The following STARD6 variants were observed in gnomAD, a reference collection of about 807,000 sequenced individuals.
STARD6 encodes StAR related lipid transfer domain containing 6.
Under a neutral mutation model 22.3 loss-of-function variants are expected in STARD6, and 21 were observed. The ratio of observed to expected loss-of-function variants is 0.94; its 90% CI spans 0.67 to 1.35. STARD6 has a LOEUF of 1.35. Ranked by LOEUF, STARD6 falls within the 40% of genes most tolerant of loss-of-function variation. The pLI is 0.00. For missense variants in STARD6, 269 were observed against 266.9 expected (o/e 1.01, Z -0.05); for synonymous variants, 80 against 88.1 (o/e 0.91, Z 0.52).
intron 4 of STARD6, among the ~76,000 whole-genome samples, chr18:54,338,527 T>G (rs956800063): frequency 7.2e-5 from 11 of 151,736 alleles, no homozygotes; most frequent in African/African-American, 2.7e-4. Flanking sequence ...TCCAGCCAAA[T>G]CACCAAACAG....
In STARD6 at chr18:54,343,259, G is replaced by T. The variant is rs893876654; in HGVS notation, c.141-6008C>A. ...CGTCTGAGAAGTGAGGAGCCCCTCCGCCCGGCAGCTGCCCCGTCTGAGAAG... is the reference window on the plus strand; with the variant it reads ...CGTCTGAGAAGTGAGGAGCCCCTCCTCCCGGCAGCTGCCCCGTCTGAGAAG... On this transcript the variant is annotated intron_variant, in intron 4 of 7. Transcript: ENST00000307844. 6.3e-5 allele frequency among the ~76,000 whole-genome samples: 5 copies of T among 79,202 alleles called. No homozygotes were observed. The South Asian group carries it at 2.9e-3, about 46-fold the overall frequency. The allele number at this position is 79,202 out of a possible 152,430, so 52.0% of individuals were successfully genotyped here.
intron 6 of STARD6, among the ~76,000 whole-genome samples, chr18:54,330,181 C>G (rs1000086588): frequency 1.1e-4 from 16 of 151,954 alleles, no homozygotes; most frequent in Non-Finnish European, 2.1e-4. Context: ...ATGATTTTAA[C>G]ATAAAGCAAA....
intron 4 of STARD6, among the ~76,000 whole-genome samples, chr18:54,345,065 A>C (rs1004575394): frequency 1.3e-5 from 2 of 152,198 alleles, no homozygotes; most frequent in African/African-American, 4.8e-5. Context: ...AGGTTAGAAA[A>C]AGAAATAAAA....
chr18:54,349,279 A>G (rs1403065587), intron 4 of STARD6, among the ~76,000 whole-genome samples: 1 of 152,142 alleles, frequency 6.6e-6, no homozygotes, highest in Non-Finnish European at 1.5e-5. Context: ...TGAAACTGAC[A>G]TCTTGAACAT....
At chr18:54,327,440 G>A (rs1269289700) in intron 7 of STARD6, among the ~76,000 whole-genome samples, 1 of 152,022 alleles carries the variant, frequency 6.6e-6, no homozygotes, top group East Asian at 1.9e-4. Context: ...TTATATGAGG[G>A]AAAAATAAAA....
At chr18:54,337,909 CAA>C (rs1455244577) in intron 4 of STARD6, among the ~76,000 whole-genome samples, 3 of 152,124 alleles carry the variant, frequency 2.0e-5, no homozygotes, top group African/African-American at 7.2e-5. Context: ...AACAAAGAAA[CAA>C]AGACGACCAG....
intron 4 of STARD6, among the ~76,000 whole-genome samples, chr18:54,343,518 G>T (rs2089002168): frequency 1.1e-5 from 1 of 90,076 alleles, no homozygotes; most frequent in African/African-American, 4.9e-5. Flanking sequence ...CCTCTGCCCG[G>T]CCAGCCGCCC....
chr18:54,331,878 TA>T lies in STARD6; in HGVS notation c.268-20del. 2 of 1,512,092 alleles carry T rather than the reference TA, an allele frequency of 1.3e-6. No individual in the cohort carries two copies. Among genetic ancestry groups the T allele is most frequent in the Non-Finnish European group, 9.1e-7 (1 of 1,093,312 alleles). 93.7% of individuals were successfully genotyped at this position (1,512,092 alleles called of 1,614,324 possible). A position where few individuals can be genotyped will look rare whatever the true frequency, so the allele number is the denominator to read the frequency against. ...ATGTGTCCTGCAACAAATCAAACCG[TA>T]AAGATAACAAACGTTACTTAATATC... On this transcript the variant is annotated intron_variant, in intron 5 of 7. Transcript: ENST00000307844.
rs1341870485 is a variant in STARD6 at position 54,324,735 on chromosome 18, C to G, written c.620G>C (p.Arg207Thr). ...ATGAAATCCACGTCTTGATGGAGTT[C>G]TGTGTGCCTTTATTCCATCTTTTGC... Reference protein sequence around the residue: ...LNAKDGIKAHRTPSRRGFHHN... With the variant: ...LNAKDGIKAHTTPSRRGFHHN... Residue 207 changes from arginine to threonine, a missense_variant, in exon 8 of 8, where the codon AGA becomes ACA. By Grantham distance (71) the Arg-to-Thr change is moderately conservative. Transcript: ENST00000307844. The G allele has an allele frequency of 1.2e-6, 2 of 1,612,724 alleles. No individual in the cohort carries two copies. The highest frequency in any genetic ancestry group is 2.2e-5 in the East Asian group (1 of 44,708).
At chr18:54,325,934 C>T (rs573608106) in intron 7 of STARD6, among the ~76,000 whole-genome samples, 1 of 152,182 alleles carries the variant, frequency 6.6e-6, no homozygotes, top group Admixed American at 6.6e-5. Flanking sequence ...CCAAACTGCA[C>T]TCTAAGTGGT....
rs552147583 is a variant in STARD6, at chr18:54,325,252, A to T, written c.480-377T>A. On this transcript the variant is annotated intron_variant, in intron 7 of 7. Coordinates refer to ENST00000307844, the MANE Select transcript of STARD6 (RefSeq NM_139171.2). Reference sequence around the variant, plus strand: ...TGACTATCTTTCTCTCTCTCTATATATATACACAAAAACAGCATACATTTG... The same window carrying T: ...TGACTATCTTTCTCTCTCTCTATATTTATACACAAAAACAGCATACATTTG... 4.2e-3 allele frequency among the ~76,000 whole-genome samples: 633 copies of T among 152,148 alleles called. 8 individuals carry two copies. The highest frequency in any genetic ancestry group is 0.015 in the African/African-American group (616 of 41,516).
In STARD6 at chr18:54,337,679, C is replaced by T. The variant is rs138606496; in HGVS notation, c.141-428G>A. 2.6e-4 allele frequency among the ~76,000 whole-genome samples: 39 copies of T among 152,262 alleles called. No individual in the cohort carries two copies. The East Asian group carries it at 7.1e-3, about 28-fold the overall frequency. On this transcript the variant is annotated intron_variant, in intron 4 of 7. Coordinates refer to ENST00000307844, the MANE Select transcript of STARD6 (RefSeq NM_139171.2). Reference sequence around the variant, plus strand: ...GACAGAATTGAGTAGTTGCAAGAGACCAAATGAGTTGCAAAGCCTAAAGTA... The same window carrying T: ...GACAGAATTGAGTAGTTGCAAGAGATCAAATGAGTTGCAAAGCCTAAAGTA...
intron 4 of STARD6, among the ~76,000 whole-genome samples, chr18:54,338,925 G>A (rs1329570829): frequency 6.6e-6 from 1 of 151,744 alleles, no homozygotes; most frequent in Admixed American, 6.6e-5. Flanking sequence ...GCATGTGCCT[G>A]TCATCCCAGC....
Position 54,329,212 on chromosome 18 carries a change from A to G in STARD6, c.479+135T>C, listed in dbSNP as rs1217130011. 4 of 598,582 alleles carry G rather than the reference A, an allele frequency of 6.7e-6. No homozygotes were observed. In the East Asian group the frequency reaches 1.2e-4, roughly 18 times the overall value. 37.1% of individuals were successfully genotyped at this position (598,582 alleles called of 1,614,324 possible). A position where few individuals can be genotyped will look rare whatever the true frequency, so the allele number is the denominator to read the frequency against. On this transcript the variant is annotated intron_variant, in intron 7 of 7. Coordinates refer to ENST00000307844, the MANE Select transcript of STARD6 (RefSeq NM_139171.2). Reference sequence around the variant, plus strand: ...ATTATAAGAAGTTATTTTAAAAATCATATTTAGGGGAAGTTTTTTTCCCGC... The same window carrying G: ...ATTATAAGAAGTTATTTTAAAAATCGTATTTAGGGGAAGTTTTTTTCCCGC...
chr18:54,348,777 G>T, intron 4 of STARD6, among the ~76,000 whole-genome samples: 1 of 152,074 alleles, frequency 6.6e-6, no homozygotes, highest in South Asian at 2.1e-4. Flanking sequence ...AGAAAGGAAC[G>T]AAATTCCAAC....
chr18:54,331,011 A>G (rs749785464), intron 6 of STARD6, among the ~76,000 whole-genome samples: 23 of 152,136 alleles, frequency 1.5e-4, no homozygotes, highest in African/African-American at 5.1e-4. Context: ...AGTACTAAAG[A>G]TATCTCGGAG....
chr18:54,351,616 T>A (rs1180093614), intron 4 of STARD6, among the ~76,000 whole-genome samples: 1 of 152,206 alleles, frequency 6.6e-6, no homozygotes, highest in Non-Finnish European at 1.5e-5. Flanking sequence ...TTGAGGTAAG[T>A]TCCTTCTATG....
chr18:54,324,658 T>C lies in STARD6; in HGVS notation c.*34A>G. ...ACAGCAATAACTACTACACATGATT[T>C]TATAGCAGAACGGCCTCATTTCTTC... On this transcript the variant is annotated 3_prime_UTR_variant, in exon 8 of 8. Coordinates refer to ENST00000307844, the MANE Select transcript of STARD6 (RefSeq NM_139171.2). 6.2e-7 allele frequency: 1 copy of C among 1,603,720 alleles called. No homozygotes were observed. Among genetic ancestry groups the C allele is most frequent in the Non-Finnish European group, 8.5e-7 (1 of 1,173,338 alleles).
chr18:54,341,689 C>T (rs1156411940), intron 4 of STARD6, among the ~76,000 whole-genome samples: 1 of 151,806 alleles, frequency 6.6e-6, no homozygotes, highest in Non-Finnish European at 1.5e-5. Flanking sequence ...AAAATTAAGT[C>T]AAAGAAAAAT....
Sources: gnomAD v4.1 joint callset for allele counts (sites outside exome capture counted in the v4.1 genomes callset) on GRCh38, gnomAD v4.1.1 for gene constraint, MANE v1.5 for transcripts, NCBI Gene and HGNC (gene_info 2026-07-23, HGNC 2026-07-21) for gene names.